AMBP: variants seen among roughly 807,000 people sequenced by gnomAD.
AMBP encodes the protein alpha-1-microglobulin/bikunin precursor.
In AMBP, 37 loss-of-function variants were observed where a neutral mutation model predicts 46.3. The observed-to-expected ratio is 0.80, with a 90% CI of 0.61 to 1.05. The LOEUF (loss-of-function observed/expected upper bound fraction) is 1.05, where lower values mean the gene tolerates loss of function less well. Among genes scored for constraint, AMBP ranks in the 50% least tolerant of loss-of-function variants. AMBP has a pLI of 0.00. For missense variants in AMBP, 475 were observed against 461.2 expected, an observed-to-expected ratio of 1.03 and a Z score of -0.27; for synonymous variants, 174 against 175.9, an observed-to-expected ratio of 0.99 and a Z score of 0.09.
At chr9:114,074,637 C>T (rs1227095452) in intron 3 of AMBP, among the ~76,000 whole-genome samples, 1 of 151,526 alleles carries the variant, frequency 6.6e-6, no homozygotes, top group Non-Finnish European at 1.5e-5. Context: ...TCTCACTTAG[C>T]ATCATGCACA....
chr9:114,069,566 A>AG lies in AMBP; in HGVS notation c.603+132_603+133insC, dbSNP rs398096628. ...CCCAGTGAGTCTGACTTCAACACTC[A>AG]TGGCCATCGCTGCCTTCTCTCACCC... is the stretch of plus-strand genomic sequence containing the variant. On this transcript the variant is annotated intron_variant, in intron 6 of 9. Transcript: ENST00000265132. 5 of 792,666 alleles carry AG rather than the reference A, an allele frequency of 6.3e-6. No homozygotes were observed. The Admixed American group carries it at 7.3e-5, about 12-fold the overall frequency. 49.1% of individuals were successfully genotyped at this position (792,666 alleles called of 1,614,324 possible).
chr9:114,075,482 C>T (rs148923235), intron 2 of AMBP, among the ~76,000 whole-genome samples: 1 of 152,348 alleles, frequency 6.6e-6, no homozygotes, highest in African/African-American at 2.4e-5. Context: ...TCAACTGACA[C>T]ATATGTAAAG....
At chr9:114,062,603 G>T in intron 7 of AMBP, 74 bp downstream of exon 7, 1 of 1,453,302 alleles carries the variant, frequency 6.9e-7, no homozygotes, top group Non-Finnish European at 9.6e-7. Flanking sequence ...GATAAGAGTA[G>T]CCAGGGTGAG....
In AMBP at chr9:114,061,242, A is replaced by G. The variant is rs149754906; in HGVS notation, c.854-144T>C. 1.3e-4 allele frequency: 180 copies of G among 1,394,824 alleles called. 3 individuals are homozygous for G. The East Asian group carries it at 3.7e-3, about 29-fold the overall frequency. 86.4% of individuals were successfully genotyped at this position (1,394,824 alleles called of 1,614,324 possible). ...GATGGGGAAACTGGGGCCCACAGGA[A>G]GAAAATGATTTGCCCGAGGTCCTCC... is the stretch of plus-strand genomic sequence containing the variant. On this transcript the variant is annotated intron_variant, in intron 8 of 9. Coordinates refer to ENST00000265132, the MANE Select transcript of AMBP (RefSeq NM_001633.4).
chr9:114,061,338 A>C, intron 8 of AMBP, 86 bp downstream of exon 8: 9 of 1,592,278 alleles, frequency 5.7e-6, no homozygotes, highest in Non-Finnish European at 7.7e-6. Flanking sequence ...GCCCTCTGTT[A>C]GCTACCTTTT....
chr9:114,061,646 C>T, intron 7 of AMBP, 55 bp from the exon 8 acceptor site: 1 of 1,508,416 alleles, frequency 6.6e-7, no homozygotes, highest in Non-Finnish European at 8.9e-7. Context: ...TACCCATTAT[C>T]AGGCTGGGCA....
At chr9:114,061,723 T>G in intron 7 of AMBP, 132 bp from the exon 8 acceptor site, 1 of 1,113,882 alleles carries the variant, frequency 9.0e-7, no homozygotes, top group Non-Finnish European at 1.2e-6. Context: ...ATAAGCAAAC[T>G]GACTCTCAGA....
At chr9:114,075,338 A>G (rs1456757404) in intron 2 of AMBP, among the ~76,000 whole-genome samples, 1 of 152,162 alleles carries the variant, frequency 6.6e-6, no homozygotes, top group African/African-American at 2.4e-5. Context: ...TACACATTAT[A>G]CTGAGGCAGG....
intron 9 of AMBP, 152 bp from the exon 10 acceptor site, chr9:114,060,422 T>C: frequency 1.2e-6 from 1 of 834,202 alleles, no homozygotes. Flanking sequence ...TTTTTCCTCT[T>C]CTGGTTTACC....
At chr9:114,074,444 A>G (rs988461193) in intron 3 of AMBP, among the ~76,000 whole-genome samples, 3 of 152,132 alleles carry the variant, frequency 2.0e-5, no homozygotes, top group South Asian at 2.1e-4. Context: ...CAATTTACCT[A>G]TTAGGTAACT....
intron 4 of AMBP, among the ~76,000 whole-genome samples, chr9:114,073,250 C>CT (rs140782864): frequency 0.043 from 6,278 of 145,862 alleles, 159 homozygotes; most frequent in African/African-American, 0.066. Flanking sequence ...GACTCTTCCC[C>CT]TTTTTTTTTT....
At position 114,076,713 on chromosome 9, in the gene AMBP, T is replaced by C. The variant is rs1466588786; in HGVS notation, c.145A>G (p.Ile49Val). 6.2e-7 allele frequency: 1 copy of C among 1,614,004 alleles called. No homozygotes were observed. Among genetic ancestry groups the C allele is most frequent in the Non-Finnish European group, 8.5e-7 (1 of 1,179,948 alleles). Residue 49 changes from isoleucine (I) to valine (V), a missense_variant, in exon 2 of 10, where the codon ATC (isoleucine) becomes GTC (valine). Transcript: ENST00000265132. ...RIYGKWYNLA[I>V]GSTCPWLKKI... is the part of the protein sequence containing the mutation. Reference sequence around the variant, plus strand: ...TTCAGCCAGGGGCAGGTGGAACCGATGGCCAGGTTGTACCACTTCCCATAG... The same window carrying C: ...TTCAGCCAGGGGCAGGTGGAACCGACGGCCAGGTTGTACCACTTCCCATAG...
chr9:114,078,110 T>C lies in AMBP; in HGVS notation c.100A>G (p.Asn34Asp). The change falls in exon 1 of 10, where the codon AAC (asparagine) becomes GAC (aspartate). Residue 34 changes from asparagine to aspartate, a missense_variant. Asn to Asp is a conservative substitution (Grantham distance 23). This residue lies in a region of AMBP where 179 missense variants were observed against 167.4 expected (regional missense o/e 1.07). Transcript: ENST00000265132. ...TPPDNIQVQE[N>D]FNISRIYGKW... Reference sequence around the variant, plus strand: ...AGCCTTACCCGAGAGATATTGAAGTTTTCCTGCACTTGGATGTTGTCGGGC... The same window carrying C: ...AGCCTTACCCGAGAGATATTGAAGTCTTCCTGCACTTGGATGTTGTCGGGC... 1.9e-6 allele frequency: 3 copies of C among 1,613,938 alleles called. No homozygotes were observed. Among genetic ancestry groups the C allele is most frequent in the Non-Finnish European group, 2.5e-6 (3 of 1,180,020 alleles).
intron 6 of AMBP, among the ~76,000 whole-genome samples, chr9:114,063,275 G>A (rs912735048): frequency 6.6e-6 from 1 of 152,230 alleles, no homozygotes; most frequent in African/African-American, 2.4e-5. Context: ...AGGGCAGGCT[G>A]CCAAAGCTGC....
intron 8 of AMBP, 81 bp from the exon 9 acceptor site, chr9:114,061,179 G>A: frequency 6.6e-7 from 1 of 1,525,714 alleles, no homozygotes. Context: ...TGAGCCAGAG[G>A]GCCCTGCTCA....
rs774768739 is a variant in AMBP at position 114,074,072 on chromosome 9, G to A, written c.418C>T (p.Arg140Cys). ...GCAGTAATGGTGGGTCCATGATGGC[G>A]GCTGAATTTCTTGGTCAGGAAAATG... The part of the protein sequence containing the change: ...YAIFLTKKFS[R>C]HHGPTITAKL... Residue 140 changes from arginine to cysteine, a missense_variant, in exon 4 of 10, where the codon CGC becomes TGC. Arg to Cys is a radical substitution (Grantham distance 180). Transcript: ENST00000265132. The A allele has an allele frequency of 2.6e-5, 42 of 1,614,006 alleles. No homozygotes were observed. The East Asian group carries it at 4.7e-4, about 18-fold the overall frequency.
chr9:114,069,601 G>A (rs2134851057), intron 6 of AMBP, 98 bp downstream of exon 6: 18 of 1,158,124 alleles, frequency 1.6e-5, no homozygotes, highest in Middle Eastern at 2.9e-4. Context: ...CCCTCCCCAT[G>A]ACTCTGCCTC....
At position 114,078,296 on chromosome 9, in the gene AMBP, G is replaced by A. The variant is rs572994159; in HGVS notation, c.-87C>T. On this transcript the variant is annotated 5_prime_UTR_variant, in exon 1 of 10. Transcript: ENST00000265132. The stretch of plus-strand genomic sequence containing the variant: ...CGCCTCCCTGCAACAGGGCAGCTGT[G>A]AACTGAGGCTGGGGAAGGGGCCTGT... The A allele has an allele frequency of 4.3e-5, 56 of 1,317,378 alleles. 2 individuals carry two copies. The South Asian group carries it at 6.5e-4, about 15-fold the overall frequency. The allele number at this position is 1,317,378 out of a possible 1,614,324, so 81.6% of individuals were successfully genotyped here.
intron 1 of AMBP, 52 bp downstream of exon 1, chr9:114,078,041 C>T: frequency 6.3e-7 from 1 of 1,588,652 alleles, no homozygotes. Flanking sequence ...GGCCCATCTG[C>T]CTGGACTCCC....
Sources: gnomAD v4.1 joint callset for allele counts (sites outside exome capture counted in the v4.1 genomes callset) on GRCh38, gnomAD v4.1.1 for gene constraint, gnomAD v4.1.1 regional missense constraint, MANE v1.5 for transcripts, NCBI Gene and HGNC (gene_info 2026-07-23, HGNC 2026-07-21) for gene names.